The following CCNC variants were observed in gnomAD, a reference collection of about 807,000 sequenced individuals.
CCNC encodes the protein cyclin-C.
Under a neutral mutation model 50.0 loss-of-function variants are expected in CCNC, and 19 were observed. That is an observed-to-expected ratio of 0.38 (90% confidence interval 0.27 to 0.56). The LOEUF (loss-of-function observed/expected upper bound fraction) is 0.56, where lower values mean the gene tolerates loss of function less well. Ranked by LOEUF, CCNC falls within the 20% of genes least tolerant of loss-of-function variation. The probability of loss-of-function intolerance (pLI) is 0.72; values close to 1 mark genes in which losing one functional copy is unlikely to be tolerated. For synonymous variants in CCNC, 93 were observed against 103.7 expected (o/e 0.90, Z 0.63); for missense variants, 200 against 327.1 (o/e 0.61, Z 3.00).
At chr6:99,551,156 TC>T (rs1312892955) in intron 6 of CCNC, 128 bp from the exon 7 acceptor site, 7 of 387,968 alleles carry the variant, frequency 1.8e-5, no homozygotes, top group African/African-American at 1.0e-4. Flanking sequence ...GTTTTAAAAA[TC>T]CAGACAATAA....
At chr6:99,568,342 A>C in intron 1 of CCNC, 154 bp downstream of exon 1, 1 of 697,332 alleles carries the variant, frequency 1.4e-6, no homozygotes, top group Non-Finnish European at 2.4e-6. Context: ...GAGTCGCCTC[A>C]GAAAAGCGCA....
intron 5 of CCNC, 134 bp from the exon 6 acceptor site, chr6:99,552,029 C>T (rs553737766): frequency 4.6e-4 from 224 of 482,184 alleles, no homozygotes; most frequent in South Asian, 1.7e-3. Flanking sequence ...CACTTACGGA[C>T]GCAGATTTTT....
Position 99,555,684 on chromosome 6 carries a change from C to T in CCNC, c.346+2813G>A, listed in dbSNP as rs76404183. Among the ~76,000 whole-genome samples, 1,220 of 152,204 alleles carry T rather than the reference C, an allele frequency of 8.0e-3. 19 individuals are homozygous for T. The highest frequency in any genetic ancestry group is 0.028 in the African/African-American group (1,178 of 41,504). Reference sequence around the variant, plus strand: ...CTTGAACTCCTGTTCTAAAGCAATCCTCCTGCTCCAGCCTCCCAAAGTGTT... The same window carrying T: ...CTTGAACTCCTGTTCTAAAGCAATCTTCCTGCTCCAGCCTCCCAAAGTGTT... On this transcript the variant is annotated intron_variant, in intron 5 of 11. Coordinates refer to ENST00000520429, the MANE Select transcript of CCNC (RefSeq NM_005190.4).
chr6:99,557,805 A>AATG (rs1406028957), intron 5 of CCNC: 1 of 61,794 alleles, frequency 1.6e-5, no homozygotes, highest in Non-Finnish European at 3.4e-5. Flanking sequence ...AAAAAAAAAA[A>AATG]AAAGAAAGAA....
intron 11 of CCNC, chr6:99,544,014 CAAAAAA>C (rs58452257): frequency 9.7e-6 from 10 of 1,027,908 alleles, no homozygotes; most frequent in Non-Finnish European, 1.2e-5. Flanking sequence ...AAGTGTTCTT[CAAAAAA>C]AAAAAAAAAC....
At chr6:99,559,175 T>C (rs1206891489) in intron 4 of CCNC, among the ~76,000 whole-genome samples, 1 of 150,192 alleles carries the variant, frequency 6.7e-6, no homozygotes, top group Admixed American at 6.6e-5. Context: ...AAACCTTAAT[T>C]AATCACCAAA....
At chr6:99,543,927 A>C (rs897431703) in intron 11 of CCNC, 20 of 1,261,558 alleles carry the variant, frequency 1.6e-5, no homozygotes, top group Non-Finnish European at 1.8e-5. Context: ...TAGAGATTAC[A>C]GCTTCTTCTA....
At chr6:99,563,307 G>C (rs1330797185) in intron 1 of CCNC, among the ~76,000 whole-genome samples, 1 of 152,066 alleles carries the variant, frequency 6.6e-6, no homozygotes, top group Non-Finnish European at 1.5e-5. Flanking sequence ...GAATTATTTG[G>C]CACCAATTGA....
chr6:99,544,996 G>T, intron 11 of CCNC, 116 bp downstream of exon 11: 2 of 600,434 alleles, frequency 3.3e-6, no homozygotes, highest in South Asian at 2.3e-5. Context: ...AATTAACATG[G>T]ATCATGAAGT....
At chr6:99,568,388 C>G (rs1396053717) in intron 1 of CCNC, 108 bp downstream of exon 1, 6 of 1,114,154 alleles carry the variant, frequency 5.4e-6, no homozygotes, top group Non-Finnish European at 6.7e-6. Flanking sequence ...CCGTGAGGAC[C>G]CCGGCACTCG....
chr6:99,565,786 A>G (rs1209545645), intron 1 of CCNC, among the ~76,000 whole-genome samples: 1 of 152,024 alleles, frequency 6.6e-6, no homozygotes, highest in Non-Finnish European at 1.5e-5. Context: ...TATTTCTATA[A>G]TAAAATCCAA....
At position 99,562,903 on chromosome 6, in the gene CCNC, T is replaced by C; in HGVS notation, c.78A>G (p.Gln26=). 3 of 1,606,994 alleles carry C rather than the reference T, an allele frequency of 1.9e-6. No individual in the cohort carries two copies. Among genetic ancestry groups the C allele is most frequent in the East Asian group, 2.2e-5 (1 of 44,716 alleles). ...CCTCTGAGAGAAACTTTAAATCCTT[T>C]TGGCGCTCCTTCAACAGATCTTGTT... ...LDKQDLLKER[Q]KDLKFLSEEE... The change falls in exon 2 of 12, where the codon CAA becomes CAG. Residue 26 remains glutamine, a synonymous_variant. Transcript: ENST00000520429.
Position 99,550,282 on chromosome 6 carries a change from A to G in CCNC, c.466T>C (p.Tyr156His). ...TGCACATACTGGAGCAAAGGTCTAT[A>G]AGGATGATACACTATCAAGCAACAA... ...MDCCLIVYHP[Y>H]RPLLQYVQDM... Residue 156 changes from tyrosine (Y) to histidine (H), a missense_variant, in exon 8 of 12, where the codon TAT becomes CAT. Transcript: ENST00000520429. The G allele has an allele frequency of 6.2e-7, 1 of 1,612,638 alleles. No homozygotes were observed. Among genetic ancestry groups the G allele is most frequent in the Non-Finnish European group, 8.5e-7 (1 of 1,179,142 alleles).
intron 1 of CCNC, chr6:99,566,988 C>T (rs1389372096): frequency 2.2e-6 from 1 of 453,028 alleles, no homozygotes; most frequent in Non-Finnish European, 4.4e-6. Context: ...TAAGAAACTC[C>T]ATGACTGCTC....
At position 99,568,513 on chromosome 6, in the gene CCNC, A is replaced by G; in HGVS notation, c.15T>C (p.Phe5=). The G allele has an allele frequency of 1.2e-6, 2 of 1,613,018 alleles. No individual in the cohort carries two copies. The highest frequency in any genetic ancestry group is 1.7e-6 in the Non-Finnish European group (2 of 1,179,454). The change falls in exon 1 of 12, where the codon TTT becomes TTC. Residue 5 remains phenylalanine, a synonymous_variant. Transcript: ENST00000520429. MAGN[F]WQSSHYLQWI... ...TCGCTTACTAGTGGGAGCTCTGCCA[A>G]AAGTTCCCTGCCATGGAACACAGCT...
intron 11 of CCNC, among the ~76,000 whole-genome samples, 188 bp downstream of exon 11, chr6:99,544,924 A>G (rs1421144341): frequency 6.6e-6 from 1 of 152,172 alleles, no homozygotes; most frequent in African/African-American, 2.4e-5. Flanking sequence ...AAAAGTTACT[A>G]ATCAGATTAG....
intron 9 of CCNC, among the ~76,000 whole-genome samples, chr6:99,548,445 G>C (rs1352351224): frequency 6.6e-6 from 1 of 152,122 alleles, no homozygotes; most frequent in Non-Finnish European, 1.5e-5. Flanking sequence ...AACATTTAAG[G>C]AATAATTGAA....
chr6:99,545,463 T>TA, intron 10 of CCNC, among the ~76,000 whole-genome samples: 1 of 152,356 alleles, frequency 6.6e-6, no homozygotes, highest in Admixed American at 6.5e-5. Flanking sequence ...GCAGCTGATT[T>TA]CCTTCCATCT....
At chr6:99,546,003 C>G (rs1002650557) in intron 10 of CCNC, among the ~76,000 whole-genome samples, 5 of 151,994 alleles carry the variant, frequency 3.3e-5, no homozygotes, top group African/African-American at 4.8e-5. Flanking sequence ...GAGTCTCGCT[C>G]TGTTGCCCAG....
Sources: gnomAD v4.1 joint callset for allele counts (sites outside exome capture counted in the v4.1 genomes callset) on GRCh38, gnomAD v4.1.1 for gene constraint, MANE v1.5 for transcripts, NCBI Gene and HGNC (gene_info 2026-07-23, HGNC 2026-07-21) for gene names.